The following UGT2A3 variants were observed in gnomAD, a reference collection of about 807,000 sequenced individuals.
UGT2A3 encodes UDP glucuronosyltransferase family 2 member A3.
In UGT2A3, 55 loss-of-function variants were observed where a neutral mutation model predicts 44.1. That is an observed-to-expected ratio of 1.25 (90% CI 1.00 to 1.56). The LOEUF is 1.56. UGT2A3 is among the 40% of genes most tolerant of loss of function. UGT2A3 has a pLI of 0.00. For synonymous variants in UGT2A3, 243 were observed against 215.1 expected (o/e 1.13, Z -1.13); for missense variants, 733 against 621.6 (o/e 1.18, Z -1.91).
intron 2 of UGT2A3, 142 bp downstream of exon 2, chr4:68,945,164 G>A: frequency 3.6e-6 from 3 of 831,580 alleles, no homozygotes; most frequent in South Asian, 1.7e-5. Flanking sequence ...ACCTATAAGA[G>A]CCCCTGTGGC....
chr4:68,949,677 T>C (rs1461927589), intron 1 of UGT2A3, among the ~76,000 whole-genome samples: 2 of 151,916 alleles, frequency 1.3e-5, no homozygotes, highest in Admixed American at 6.6e-5. Flanking sequence ...AATAAAGCAA[T>C]GTATAATAAA....
chr4:68,941,814 AT>A (rs573702304), intron 2 of UGT2A3, among the ~76,000 whole-genome samples: 110 of 152,026 alleles, frequency 7.2e-4, no homozygotes, highest in African/African-American at 2.6e-3. Context: ...TGATTAAAAA[AT>A]AAGCAAAAGA....
intron 2 of UGT2A3, among the ~76,000 whole-genome samples, chr4:68,944,338 C>T (rs1012874831): frequency 3.3e-5 from 5 of 151,666 alleles, no homozygotes; most frequent in Admixed American, 6.6e-5. Context: ...AAAAGTATCC[C>T]GTAAGAGGTA....
In UGT2A3 at chr4:68,951,761, G is replaced by C; in HGVS notation, c.-1C>G. On this transcript the variant is annotated 5_prime_UTR_variant, in exon 1 of 6. It adds an upstream start codon to the 5' untranslated region. Coordinates refer to ENST00000251566, the MANE Select transcript of UGT2A3 (RefSeq NM_024743.4). Reference sequence around the variant, plus strand: ...CCAAAGCTGACTTGTCAGACCTCATGATGGCAGTTCCCTCACACACTGATC... The same window carrying C: ...CCAAAGCTGACTTGTCAGACCTCATCATGGCAGTTCCCTCACACACTGATC... 1 of 1,574,272 alleles carries C rather than the reference G, an allele frequency of 6.4e-7. No homozygotes were observed. Among genetic ancestry groups the C allele is most frequent in the Non-Finnish European group, 8.6e-7 (1 of 1,161,074 alleles).
At chr4:68,931,281 A>G in intron 3 of UGT2A3, 39 bp from the exon 4 acceptor site, 1 of 1,472,804 alleles carries the variant, frequency 6.8e-7, no homozygotes, top group Non-Finnish European at 9.5e-7. Context: ...AGTGAACCAC[A>G]GGATATTAGC....
intron 2 of UGT2A3, among the ~76,000 whole-genome samples, chr4:68,939,638 C>T (rs1228471127): frequency 6.6e-6 from 1 of 152,080 alleles, no homozygotes; most frequent in Non-Finnish European, 1.5e-5. Flanking sequence ...TAGGCCTGGG[C>T]AAGGGTTTCA....
chr4:68,929,284 G>T lies in UGT2A3; in HGVS notation c.*529C>A, dbSNP rs191301720. 1 of 152,356 alleles carries T rather than the reference G, an allele frequency of 6.6e-6. No homozygotes were observed. Among genetic ancestry groups the T allele is most frequent in the African/African-American group, 2.4e-5 (1 of 41,570 alleles). The allele number at this position is 152,356 out of a possible 1,614,324, so 9.4% of individuals were successfully genotyped here. A position where few individuals can be genotyped will look rare whatever the true frequency, so the allele number is the denominator to read the frequency against. Reference sequence around the variant, plus strand: ...TACAGCAAACTTTTCTAAGCATAATGCCATGTCATCATTATTAGCAATTTA... The same window carrying T: ...TACAGCAAACTTTTCTAAGCATAATTCCATGTCATCATTATTAGCAATTTA... On this transcript the variant is annotated 3_prime_UTR_variant, in exon 6 of 6. Coordinates refer to ENST00000251566, the MANE Select transcript of UGT2A3 (RefSeq NM_024743.4).
At position 68,930,638 on chromosome 4, in the gene UGT2A3, C is replaced by T. The variant is rs772840961; in HGVS notation, c.1212G>A (p.Met404Ile). 2.5e-6 allele frequency: 4 copies of T among 1,613,548 alleles called. No homozygotes were observed. The South Asian group carries it at 4.4e-5, about 18-fold the overall frequency. The change falls in exon 5 of 6, where the codon ATG becomes ATA. Residue 404 changes from methionine (M) to isoleucine (I), a missense_variant. Coordinates refer to ENST00000251566, the MANE Select transcript of UGT2A3 (RefSeq NM_024743.4). ...FGDQLDNIAH[M>I]KAKGAAVEIN... Reference sequence around the variant, plus strand: ...TTTCTACAGCTGCTCCTTTGGCCTTCATGTGAGCTATGTTATCAAGCTGAT... The same window carrying T: ...TTTCTACAGCTGCTCCTTTGGCCTTTATGTGAGCTATGTTATCAAGCTGAT...
At chr4:68,936,175 G>A (rs1250200315) in intron 2 of UGT2A3, among the ~76,000 whole-genome samples, 7 of 151,888 alleles carry the variant, frequency 4.6e-5, no homozygotes, top group Non-Finnish European at 8.8e-5. Flanking sequence ...CCAACCTAGC[G>A]AGGCAGGCCA....
chr4:68,949,347 G>A (rs1323651857), intron 1 of UGT2A3, among the ~76,000 whole-genome samples: 2 of 151,816 alleles, frequency 1.3e-5, no homozygotes, highest in Non-Finnish European at 2.9e-5. Context: ...GGAATAGGGA[G>A]GCCTAAGAAG....
At position 68,929,005 on chromosome 4, in the gene UGT2A3, A is replaced by C. The variant is rs1444173039; in HGVS notation, c.*808T>G. Reference sequence around the variant, plus strand: ...AGAATAAACATATAAATCTTCTTTAAGTGTACTATCAAATAAATTTTATAA... The same window carrying C: ...AGAATAAACATATAAATCTTCTTTACGTGTACTATCAAATAAATTTTATAA... On this transcript the variant is annotated 3_prime_UTR_variant, in exon 6 of 6. Transcript: ENST00000251566. 1 of 152,140 alleles carries C rather than the reference A, an allele frequency of 6.6e-6. No individual in the cohort carries two copies. The highest frequency in any genetic ancestry group is 1.5e-5 in the Non-Finnish European group (1 of 68,004). The allele number at this position is 152,140 out of a possible 1,614,324, so 9.4% of individuals were successfully genotyped here. A position where few individuals can be genotyped will look rare whatever the true frequency, so the allele number is the denominator to read the frequency against.
chr4:68,945,414 C>T lies in UGT2A3; in HGVS notation c.756G>A (p.Glu252=), dbSNP rs981750915. The change falls in exon 2 of 6, where the codon GAG becomes GAA. Residue 252 remains glutamate, a synonymous_variant. Coordinates refer to ENST00000251566, the MANE Select transcript of UGT2A3 (RefSeq NM_024743.4). ...TTLCETVGKA[E]IWLIRTYWDF... Reference sequence around the variant, plus strand: ...CCCAATATGTTCGTATTAGCCATATCTCAGCTTTTCCCACAGTCTCACATA... The same window carrying T: ...CCCAATATGTTCGTATTAGCCATATTTCAGCTTTTCCCACAGTCTCACATA... 1.9e-6 allele frequency: 3 copies of T among 1,611,004 alleles called. No homozygotes were observed. Among genetic ancestry groups the T allele is most frequent in the African/African-American group, 1.3e-5 (1 of 74,698 alleles).
rs531923585 is a variant in UGT2A3, at chr4:68,943,415, A to T, written c.864+1891T>A. The T allele has an allele frequency of 4.7e-5, 44 of 945,448 alleles. 1 individual carries two copies. The African/African-American group carries it at 6.8e-4, about 15-fold the overall frequency. 58.6% of individuals were successfully genotyped at this position (945,448 alleles called of 1,614,324 possible). A position where few individuals can be genotyped will look rare whatever the true frequency, so the allele number is the denominator to read the frequency against. ...AGTGATATTAATAATTAATAAATAA[A>T]ATTATATTCATCAATACACATCTTA... On this transcript the variant is annotated intron_variant, in intron 2 of 5. Transcript: ENST00000251566.
chr4:68,944,757 T>C (rs1577854797), intron 2 of UGT2A3, among the ~76,000 whole-genome samples: 1 of 151,798 alleles, frequency 6.6e-6, no homozygotes, highest in Non-Finnish European at 1.5e-5. Flanking sequence ...GAATTCATCA[T>C]ATAAATCACA....
intron 2 of UGT2A3, among the ~76,000 whole-genome samples, chr4:68,935,651 A>T (rs1157275046): frequency 2.6e-5 from 4 of 151,892 alleles, no homozygotes; most frequent in Non-Finnish European, 5.9e-5. Context: ...GAGCGCCACT[A>T]CTCCTCCAAA....
chr4:68,939,421 C>T (rs539711470), intron 2 of UGT2A3, among the ~76,000 whole-genome samples: 1 of 152,232 alleles, frequency 6.6e-6, no homozygotes, highest in Non-Finnish European at 1.5e-5. Flanking sequence ...TGATCTTTGA[C>T]AAATCTGACA....
At chr4:68,939,704 A>G (rs1478669543) in intron 2 of UGT2A3, among the ~76,000 whole-genome samples, 1 of 152,196 alleles carries the variant, frequency 6.6e-6, no homozygotes, top group East Asian at 1.9e-4. Context: ...AATGGGATCT[A>G]ATTAAGCTAA....
At chr4:68,939,759 C>T (rs1718114678) in intron 2 of UGT2A3, among the ~76,000 whole-genome samples, 1 of 152,002 alleles carries the variant, frequency 6.6e-6, no homozygotes, top group Non-Finnish European at 1.5e-5. Flanking sequence ...GGTGAACAGG[C>T]AACCTACAGA....
intron 3 of UGT2A3, among the ~76,000 whole-genome samples, chr4:68,932,121 TTACTA>T (rs1717758956): frequency 6.6e-6 from 1 of 151,914 alleles, no homozygotes; most frequent in South Asian, 2.1e-4. Context: ...TAAATAATTG[TTACTA>T]TACTATAATT....
Sources: gnomAD v4.1 joint callset for allele counts (sites outside exome capture counted in the v4.1 genomes callset) on GRCh38, gnomAD v4.1.1 for gene constraint, MANE v1.5 for transcripts, NCBI Gene and HGNC (gene_info 2026-07-23, HGNC 2026-07-21) for gene names.